DISC1: variants seen among roughly 807,000 people sequenced by gnomAD.
DISC1 encodes the protein disrupted in schizophrenia 1 protein.
Under a neutral mutation model 84.5 loss-of-function variants are expected in DISC1, and 57 were observed. The ratio of observed to expected loss-of-function variants is 0.67; its 90% confidence interval spans 0.55 to 0.84. The LOEUF (loss-of-function observed/expected upper bound fraction) is 0.84. Ranked by LOEUF, DISC1 falls within the 40% of genes least tolerant of loss-of-function variation. DISC1 has a pLI of 0.00. For missense variants in DISC1, 1,000 were observed against 1,057.8 expected, an observed-to-expected ratio of 0.95 and a Z score of 0.76; for synonymous variants, 411 against 415.2, an observed-to-expected ratio of 0.99 and a Z score of 0.12.
At chr1:231,734,632 A>G (rs543065973) in intron 3 of DISC1, among the ~76,000 whole-genome samples, 1 of 152,336 alleles carries the variant, frequency 6.6e-6, no homozygotes, top group African/African-American at 2.4e-5. Context: ...TTTACTTGGC[A>G]AATTCTTGCT....
At chr1:231,915,011 A>G (rs924364928) in intron 9 of DISC1, among the ~76,000 whole-genome samples, 1 of 152,204 alleles carries the variant, frequency 6.6e-6, no homozygotes, top group African/African-American at 2.4e-5. Context: ...TGTTCTTTCT[A>G]GTGAGGTTGT....
At chr1:232,021,662 C>T (rs908684119) in intron 11 of DISC1, among the ~76,000 whole-genome samples, 2 of 152,164 alleles carry the variant, frequency 1.3e-5, no homozygotes, top group Admixed American at 6.5e-5. Flanking sequence ...TCCACTCATG[C>T]GAGGTTCTGT....
intron 7 of DISC1, among the ~76,000 whole-genome samples, 155 bp from the exon 8 acceptor site, chr1:231,799,953 T>C (rs4658884): frequency 0.8 from 59,636 of 74,096 alleles, 22,855 homozygotes; most frequent in Admixed American, 0.84. Flanking sequence ...TGTCTTTCTT[T>C]TTCCATTGCT....
intron 9 of DISC1, among the ~76,000 whole-genome samples, chr1:231,880,896 G>C (rs1454204693): frequency 6.6e-6 from 1 of 152,138 alleles, no homozygotes; most frequent in Non-Finnish European, 1.5e-5. Flanking sequence ...AAAACTTAAC[G>C]TTTCATGATG....
At chr1:231,835,547 T>G (rs558551402) in intron 9 of DISC1, among the ~76,000 whole-genome samples, 2 of 152,236 alleles carry the variant, frequency 1.3e-5, no homozygotes, top group South Asian at 4.1e-4. Context: ...TCACTTCTTT[T>G]GTGGTGGAAT....
rs1353193935 is a variant in DISC1 at position 231,959,916 on chromosome 1, C to T, written c.2042+1028C>T. ...GTTCGGGGCAGATTTCTGGCACATC[C>T]TTCTTGATCTCAACTGCAGCTGCCA... On this transcript the variant is annotated intron_variant, in intron 10 of 12. Transcript: ENST00000439617. 1.3e-5 allele frequency among the ~76,000 whole-genome samples: 2 copies of T among 152,170 alleles called. 1 individual carries two copies.
At chr1:231,884,553 T>G (rs1186269417) in intron 9 of DISC1, among the ~76,000 whole-genome samples, 1 of 146,182 alleles carries the variant, frequency 6.8e-6, no homozygotes, top group South Asian at 2.1e-4. Context: ...AGTGCTGCAA[T>G]GAACATACGC....
At chr1:231,930,988 A>G (rs1027304236) in intron 9 of DISC1, among the ~76,000 whole-genome samples, 1 of 152,086 alleles carries the variant, frequency 6.6e-6, no homozygotes, top group Admixed American at 6.5e-5. Flanking sequence ...CTGCAGCTCA[A>G]CTGATACACT....
chr1:231,997,023 A>G (rs1477739685), intron 10 of DISC1, among the ~76,000 whole-genome samples: 2 of 152,182 alleles, frequency 1.3e-5, no homozygotes, highest in Admixed American at 1.3e-4. Flanking sequence ...GCACAAACAG[A>G]TCAATAAGCA....
intron 9 of DISC1, among the ~76,000 whole-genome samples, chr1:231,844,926 CA>C (rs1175955587): frequency 0.13 from 9,119 of 68,648 alleles, 261 homozygotes; most frequent in Admixed American, 0.2. Context: ...GACTCTGACT[CA>C]AAAAAAAAAA....
chr1:231,887,716 T>G (rs1375254291), intron 9 of DISC1, among the ~76,000 whole-genome samples: 1 of 152,234 alleles, frequency 6.6e-6, no homozygotes, highest in Non-Finnish European at 1.5e-5. Context: ...GAAATGAACG[T>G]AACTGAATTT....
At chr1:231,906,619 G>T (rs2088665052) in intron 9 of DISC1, among the ~76,000 whole-genome samples, 1 of 152,180 alleles carries the variant, frequency 6.6e-6, no homozygotes, top group South Asian at 2.1e-4. Context: ...TTACAGCTGG[G>T]TGATTGTGAT....
chr1:231,810,630 A>G (rs2080203495), intron 8 of DISC1, among the ~76,000 whole-genome samples: 1 of 152,168 alleles, frequency 6.6e-6, no homozygotes, highest in Admixed American at 6.5e-5. Flanking sequence ...TTTATAGTGG[A>G]AAAAGGCGAA....
At chr1:231,811,545 G>A (rs890928156) in intron 8 of DISC1, among the ~76,000 whole-genome samples, 1 of 152,208 alleles carries the variant, frequency 6.6e-6, no homozygotes, top group Non-Finnish European at 1.5e-5. Flanking sequence ...CACTAAAGAA[G>A]TATAGTTCAA....
chr1:231,822,762 C>G (rs2081587891), intron 9 of DISC1, among the ~76,000 whole-genome samples: 1 of 152,176 alleles, frequency 6.6e-6, no homozygotes, highest in Admixed American at 6.5e-5. Context: ...GTGCCAACAT[C>G]TGCTTCTGGT....
At position 231,818,396 on chromosome 1, in the gene DISC1, G is replaced by A. The variant is rs868033164; in HGVS notation, c.1860G>A (p.Gly620=). The part of the protein sequence containing the change: ...EIRSLTSERE[G]LEGLLSKLLV... ...GATCATTAACATCAGAGAGAGAAGG[G>A]CTGGAGGGACTCCTCAGCAAGCTGT... The change falls in exon 9 of 13, where the codon GGG becomes GGA. Residue 620 remains glycine (G), a synonymous_variant. Transcript: ENST00000439617. The A allele has an allele frequency of 1.2e-6, 2 of 1,614,044 alleles. No homozygotes were observed. Among genetic ancestry groups the A allele is most frequent in the African/African-American group, 1.3e-5 (1 of 74,922 alleles).
intron 9 of DISC1, among the ~76,000 whole-genome samples, chr1:231,931,953 C>T (rs201555434): frequency 6.6e-6 from 1 of 152,088 alleles, no homozygotes; most frequent in Non-Finnish European, 1.5e-5. Context: ...ACCCCTGGTC[C>T]CACCTGTGAT....
chr1:231,855,576 A>G (rs1358224704), intron 9 of DISC1, among the ~76,000 whole-genome samples: 1 of 152,192 alleles, frequency 6.6e-6, no homozygotes, highest in African/African-American at 2.4e-5. Context: ...AACCACAAAT[A>G]TTGGAGGGCA....
intron 10 of DISC1, among the ~76,000 whole-genome samples, chr1:231,982,831 CA>C (rs1663811141): frequency 6.6e-6 from 1 of 152,096 alleles, no homozygotes; most frequent in Non-Finnish European, 1.5e-5. Context: ...ATCGTAAGAG[CA>C]AGGAGGTGAG....
Sources: allele counts gnomAD v4.1 joint callset (sites outside exome capture counted in the v4.1 genomes callset), GRCh38; gene constraint gnomAD v4.1.1; transcripts MANE v1.5; gene names NCBI Gene and HGNC (gene_info 2026-07-23, HGNC 2026-07-21).